TRPA1: variants seen among roughly 807,000 people sequenced by gnomAD.
The protein encoded by TRPA1 is transient receptor potential cation channel subfamily A member 1.
In TRPA1, 129 loss-of-function variants were observed where a neutral mutation model predicts 131.3. That is an observed-to-expected ratio of 0.98 (90% CI 0.85 to 1.14). The LOEUF is 1.14. Ranked by LOEUF, TRPA1 falls within the 50% of genes most tolerant of loss-of-function variation. TRPA1 has a pLI of 0.00. For missense variants in TRPA1, 1,304 were observed against 1,354.2 expected (o/e 0.96, Z 0.58); for synonymous variants, 441 against 451.7 (o/e 0.98, Z 0.30).
At chr8:72,066,451 T>G (rs1216299610) in intron 3 of TRPA1, among the ~76,000 whole-genome samples, 1 of 152,232 alleles carries the variant, frequency 6.6e-6, no homozygotes, top group African/African-American at 2.4e-5. Flanking sequence ...TTAAATCAGC[T>G]GTTTCTTAAA....
chr8:72,087,373 T>G, the TRPA1 span, among the ~76,000 whole-genome samples: 5,840 of 152,262 alleles, frequency 0.038, 380 homozygotes, highest in African/African-American at 0.13. Context: ...TAAGAGAAAC[T>G]GAAGTATGCC....
chr8:72,065,769 C>A (rs1805917178), intron 3 of TRPA1, among the ~76,000 whole-genome samples: 1 of 152,090 alleles, frequency 6.6e-6, no homozygotes, highest in Non-Finnish European at 1.5e-5. Context: ...TTCAACATCA[C>A]AACAATCAAG....
At chr8:72,023,952 T>G in intron 25 of TRPA1, 41 bp from the exon 26 acceptor site, 4 of 1,331,626 alleles carry the variant, frequency 3.0e-6, no homozygotes, top group Non-Finnish European at 4.3e-6. Flanking sequence ...TTGAATTCAA[T>G]TCAGGAACTT....
intron 24 of TRPA1, among the ~76,000 whole-genome samples, chr8:72,028,458 C>T (rs959788034): frequency 6.6e-6 from 1 of 152,186 alleles, no homozygotes; most frequent in Non-Finnish European, 1.5e-5. Flanking sequence ...ACGACGGTAT[C>T]GATGTCCTGT....
Position 72,022,695 on chromosome 8 carries a change from A to T in TRPA1, c.*211T>A. ...CATCAAAGTCCAGTCCAATTTGAAC[A>T]TATCTGCAAAGATATCCCCAATACA... On this transcript the variant is annotated 3_prime_UTR_variant, in exon 27 of 27. Transcript: ENST00000262209. 3.2e-6 allele frequency: 2 copies of T among 616,152 alleles called. No homozygotes were observed. Among genetic ancestry groups the T allele is most frequent in the African/African-American group, 1.8e-5 (1 of 54,404 alleles). 38.2% of individuals were successfully genotyped at this position (616,152 alleles called of 1,614,324 possible). A position where few individuals can be genotyped will look rare whatever the true frequency, so the allele number is the denominator to read the frequency against.
At chr8:72,067,179 A>G (rs1348604916) in intron 3 of TRPA1, among the ~76,000 whole-genome samples, 1 of 152,170 alleles carries the variant, frequency 6.6e-6, no homozygotes, top group East Asian at 1.9e-4. Flanking sequence ...CAGTCAATGG[A>G]GCAGCTTCTA....
At chr8:72,086,922 A>G in the TRPA1 span, among the ~76,000 whole-genome samples, 4 of 152,240 alleles carry the variant, frequency 2.6e-5, no homozygotes, top group African/African-American at 9.6e-5. Context: ...AAATGACTTA[A>G]CAAAAAGATA....
At chr8:72,079,476 G>C (rs73294678), upstream of TRPA1, among the ~76,000 whole-genome samples, 5,837 of 151,952 alleles carry the variant, frequency 0.038, 379 homozygotes, top group African/African-American at 0.13. Context: ...ATCCCTCATA[G>C]AACTGCCTTC....
rs1812152190 is a variant in TRPA1, at chr8:72,038,943, A to G, written c.2217T>C (p.Asn739=). ...GLIPMTILVV[N]IKPGMAFNST... ...AGTTGAAAGCCATTCCTGGTTTTAT[A>G]TTGACAACGAGAATGGTCATAGGTA... Residue 739 remains asparagine, a synonymous_variant, in exon 19 of 27, where the codon AAT becomes AAC. Transcript: ENST00000262209. 4.3e-6 allele frequency: 7 copies of G among 1,613,158 alleles called. No individual in the cohort carries two copies. Among genetic ancestry groups the G allele is most frequent in the Non-Finnish European group, 5.9e-6 (7 of 1,179,448 alleles).
chr8:72,084,587 T>G, the TRPA1 span, among the ~76,000 whole-genome samples: 2 of 151,784 alleles, frequency 1.3e-5, no homozygotes, highest in African/African-American at 4.8e-5. Context: ...TTCTAAAAAT[T>G]ATCTTACTTT....
chr8:72,032,280 C>T (rs1262667616), intron 23 of TRPA1, among the ~76,000 whole-genome samples: 1 of 152,110 alleles, frequency 6.6e-6, no homozygotes, highest in Non-Finnish European at 1.5e-5. Context: ...ACTATGGTGG[C>T]CATTTGTAGG....
In TRPA1 at chr8:72,075,284, G is replaced by A. The variant is rs374272757; in HGVS notation, c.111+15C>T. The A allele has an allele frequency of 8.1e-6, 13 of 1,604,492 alleles. No homozygotes were observed. Among genetic ancestry groups the A allele is most frequent in the Non-Finnish European group, 1.0e-5 (12 of 1,172,336 alleles). ...CACGTCGGAACCCCTCCAGACCCGCGAGCCCCCAGAGTACCTTAAGCGATT... is the reference window on the plus strand; with the variant it reads ...CACGTCGGAACCCCTCCAGACCCGCAAGCCCCCAGAGTACCTTAAGCGATT... On this transcript the variant is annotated intron_variant, in intron 1 of 26. Transcript: ENST00000262209.
intron 17 of TRPA1, 141 bp from the exon 18 acceptor site, chr8:72,039,938 A>G: frequency 1.5e-6 from 1 of 646,716 alleles, no homozygotes; most frequent in Non-Finnish European, 2.7e-6. Context: ...AAAAAATAAA[A>G]ATTAGATCAA....
chr8:72,055,597 A>G lies in TRPA1; in HGVS notation c.1368T>C (p.Tyr456=), dbSNP rs1423634111. The G allele has an allele frequency of 2.5e-6, 4 of 1,613,430 alleles. No homozygotes were observed. The highest frequency in any genetic ancestry group is 1.3e-5 in the African/African-American group (1 of 75,032). ...KKSPLHFAAS[Y]GRINTCQRLL... is the part of the protein sequence containing the mutation. ...GCCTCTGACAGGTATTGATACGCCC[A>G]TAACTTGGAAAAAATTAGGTTTCAT... The change falls in exon 12 of 27, where the codon TAT becomes TAC. Residue 456 remains tyrosine (Y), a synonymous_variant. Coordinates refer to ENST00000262209, the MANE Select transcript of TRPA1 (RefSeq NM_007332.3).
chr8:72,046,613 A>T lies in TRPA1; in HGVS notation c.1966-5T>A. Reference sequence around the variant, plus strand: ...ATATTTGAAATTATACTCGATCTGTAGAAGACAGAATTTTTTTTAAAAAAA... The same window carrying T: ...ATATTTGAAATTATACTCGATCTGTTGAAGACAGAATTTTTTTTAAAAAAA... On this transcript the variant is annotated splice_polypyrimidine_tract_variant and splice_region_variant and intron_variant, in intron 16 of 26. Coordinates refer to ENST00000262209, the MANE Select transcript of TRPA1 (RefSeq NM_007332.3). 6.7e-7 allele frequency: 1 copy of T among 1,499,286 alleles called. No homozygotes were observed. Among genetic ancestry groups the T allele is most frequent in the Non-Finnish European group, 9.2e-7 (1 of 1,082,636 alleles). The allele number at this position is 1,499,286 out of a possible 1,614,324, so 92.9% of individuals were successfully genotyped here.
In TRPA1 at chr8:72,070,295, T is replaced by C. The variant is rs16937975; in HGVS notation, c.269-1097A>G. Among the ~76,000 whole-genome samples, 261 of 152,232 alleles carry C rather than the reference T, an allele frequency of 1.7e-3. 3 individuals are homozygous for C. The highest frequency in any genetic ancestry group is 5.8e-3 in the African/African-American group (242 of 41,524). ...AAAATGTGTCTCTCCACTATTTCCT[T>C]TCATTCATCTAAGTGTTTCATTCTA... On this transcript the variant is annotated intron_variant, in intron 2 of 26. Coordinates refer to ENST00000262209, the MANE Select transcript of TRPA1 (RefSeq NM_007332.3).
upstream of TRPA1, among the ~76,000 whole-genome samples, chr8:72,080,387 CATG>C (rs1806266390): frequency 2.0e-5 from 3 of 151,496 alleles, no homozygotes; most frequent in Admixed American, 6.6e-5. Flanking sequence ...AAGATGATCA[CATG>C]TTTTTTTCTC....
intron 17 of TRPA1, among the ~76,000 whole-genome samples, chr8:72,044,510 G>A (rs1812362295): frequency 6.6e-6 from 1 of 151,930 alleles, no homozygotes; most frequent in Non-Finnish European, 1.5e-5. Flanking sequence ...ACCCCTTGAG[G>A]CATGCAAGTA....
In TRPA1 at chr8:72,071,691, G is replaced by T; in HGVS notation, c.268+20C>A. ...ATGGGATGAATGATTTCTGGAAGAT[G>T]AATTGTAATATTTTGTTACCTTCCA... On this transcript the variant is annotated intron_variant, in intron 2 of 26. Transcript: ENST00000262209. 1 of 1,612,386 alleles carries T rather than the reference G, an allele frequency of 6.2e-7. No homozygotes were observed. The highest frequency in any genetic ancestry group is 1.1e-5 in the South Asian group (1 of 91,004).
Sources: allele counts gnomAD v4.1 joint callset (sites outside exome capture counted in the v4.1 genomes callset), GRCh38; gene constraint gnomAD v4.1.1; transcripts MANE v1.5; gene names NCBI Gene and HGNC (gene_info 2026-07-23, HGNC 2026-07-21).